Variants in PRUNE2 observed in about 807,000 individuals in gnomAD.
PRUNE2 encodes the protein protein prune homolog 2.
PRUNE2 carries 164 observed loss-of-function variants against 252.0 expected under a neutral mutation model. The observed-to-expected ratio is 0.65, with a 90% confidence interval of 0.57 to 0.74. The LOEUF (loss-of-function observed/expected upper bound fraction) is 0.74, where lower values mean the gene tolerates loss of function less well. PRUNE2 is among the 30% of genes least tolerant of loss of function. The probability of loss-of-function intolerance (pLI) is 0.00; values close to 1 mark genes in which losing one functional copy is unlikely to be tolerated. For missense variants in PRUNE2, 3,495 were observed against 3,711.0 expected (o/e 0.94, Z 1.51); for synonymous variants, 1,292 against 1,350.2 (o/e 0.96, Z 0.94).
intron 6 of PRUNE2, among the ~76,000 whole-genome samples, chr9:76,806,832 A>G (rs72732653): frequency 0.21 from 32,080 of 151,718 alleles, 3,886 homozygotes; most frequent in Middle Eastern, 0.35. Context: ...GCACCACTCT[A>G]AGCTTTTTGC....
intron 18 of PRUNE2, among the ~76,000 whole-genome samples, chr9:76,616,048 A>G (rs962601109): frequency 4.7e-5 from 5 of 106,648 alleles, no homozygotes; most frequent in Non-Finnish European, 7.4e-5. Flanking sequence ...GATTACAGGC[A>G]TGAGCCAGCA....
chr9:76,775,589 C>A (rs2053648964), intron 6 of PRUNE2, among the ~76,000 whole-genome samples: 1 of 152,200 alleles, frequency 6.6e-6, no homozygotes, highest in African/African-American at 2.4e-5. Context: ...GTGTGAGCTA[C>A]TCTGCCCAGC....
rs750595554 is a variant in PRUNE2, at chr9:76,708,700, A to C, written c.3574T>G (p.Ser1192Ala). The change falls in exon 8 of 19, where the codon TCT becomes GCT. Residue 1192 changes from serine (S) to alanine (A), a missense_variant. Transcript: ENST00000376718. ...GCACTGTCCTTGGTATGCTCATCAG[A>C]GGCAGGGAGCTCCCAATCTACCTGA... ...ANQVDWELPA[S>A]DEHTKDSAPS... 3.1e-6 allele frequency: 5 copies of C among 1,613,982 alleles called. No homozygotes were observed. The Admixed American group carries it at 8.3e-5, about 27-fold the overall frequency.
At chr9:76,713,835 G>T in intron 6 of PRUNE2, 114 bp from the exon 7 acceptor site, 2 of 664,076 alleles carry the variant, frequency 3.0e-6, no homozygotes, top group South Asian at 2.7e-5. Flanking sequence ...TATTATTTAA[G>T]GCAAGTGAAA....
intron 6 of PRUNE2, among the ~76,000 whole-genome samples, chr9:76,762,222 C>T (rs1219517609): frequency 6.6e-6 from 1 of 152,168 alleles, no homozygotes; most frequent in Non-Finnish European, 1.5e-5. Context: ...CTACAACAAC[C>T]ATTAAATGTG....
At chr9:76,688,182 G>A (rs185590348) in intron 9 of PRUNE2, among the ~76,000 whole-genome samples, 24 of 152,238 alleles carry the variant, frequency 1.6e-4, no homozygotes, top group Admixed American at 3.9e-4. Flanking sequence ...AGAGGAAAAC[G>A]TCACCATCCT....
intron 9 of PRUNE2, among the ~76,000 whole-genome samples, chr9:76,674,383 C>T (rs1427092051): frequency 3.9e-5 from 6 of 152,182 alleles, no homozygotes; most frequent in Non-Finnish European, 7.3e-5. Flanking sequence ...GAACTACACT[C>T]ACTTGAGCAC....
chr9:76,839,000 T>TG (rs1483145842), intron 4 of PRUNE2, among the ~76,000 whole-genome samples: 12 of 152,204 alleles, frequency 7.9e-5, no homozygotes, highest in Non-Finnish European at 1.5e-4. Context: ...TATAACCAAA[T>TG]GGTGAAAATA....
At chr9:76,652,976 T>C (rs982931115) in intron 10 of PRUNE2, among the ~76,000 whole-genome samples, 1 of 152,130 alleles carries the variant, frequency 6.6e-6, no homozygotes, top group Non-Finnish European at 1.5e-5. Flanking sequence ...AAGAGTGGGT[T>C]TGGGCCCAGT....
chr9:76,645,002 C>T lies in PRUNE2; in HGVS notation c.8558-93G>A, dbSNP rs568707637. On this transcript the variant is annotated intron_variant, in intron 11 of 18. Coordinates refer to ENST00000376718, the MANE Select transcript of PRUNE2 (RefSeq NM_015225.3). The stretch of plus-strand genomic sequence containing the variant: ...ATGGTAAGCTTTACAATACAGTACT[C>T]CTACGGGCAGCCTTTGTTTTGTTTC... The T allele has an allele frequency of 6.3e-5, 71 of 1,126,106 alleles. No individual in the cohort carries two copies. The African/African-American group carries it at 1.1e-3, about 17-fold the overall frequency. The allele number at this position is 1,126,106 out of a possible 1,614,324, so 69.8% of individuals were successfully genotyped here. A position where few individuals can be genotyped will look rare whatever the true frequency, so the allele number is the denominator to read the frequency against.
chr9:76,740,828 A>G (rs2049550038), intron 6 of PRUNE2, among the ~76,000 whole-genome samples: 1 of 152,348 alleles, frequency 6.6e-6, no homozygotes. Flanking sequence ...ATATGTTTCT[A>G]AAAGTTAGAA....
chr9:76,661,804 A>C (rs1397305071), intron 9 of PRUNE2, among the ~76,000 whole-genome samples: 4 of 152,314 alleles, frequency 2.6e-5, no homozygotes, highest in Admixed American at 2.6e-4. Flanking sequence ...ATATATAAGA[A>C]TATGGCAGAT....
chr9:76,817,597 C>T (rs1400398619), intron 6 of PRUNE2: 8 of 152,356 alleles, frequency 5.3e-5, no homozygotes, highest in African/African-American at 1.9e-4. Flanking sequence ...CTGGAGATGT[C>T]CTCCTGAGCA....
At chr9:76,693,522 C>T (rs942633240) in intron 9 of PRUNE2, among the ~76,000 whole-genome samples, 8 of 148,098 alleles carry the variant, frequency 5.4e-5, no homozygotes, top group Non-Finnish European at 1.2e-4. Context: ...CAGCTCACTG[C>T]AACCTCTGCC....
intron 6 of PRUNE2, among the ~76,000 whole-genome samples, chr9:76,740,684 T>C (rs2049537270): frequency 2.6e-5 from 4 of 152,138 alleles, no homozygotes; most frequent in Admixed American, 6.5e-5. Context: ...ATAAGAACCC[T>C]TTATATTTAA....
At chr9:76,745,695 G>A (rs187820601) in intron 6 of PRUNE2, among the ~76,000 whole-genome samples, 128 of 152,246 alleles carry the variant, frequency 8.4e-4, no homozygotes, top group African/African-American at 2.8e-3. Context: ...CTGATCTCCC[G>A]TTTAGCCAGC....
intron 1 of PRUNE2, among the ~76,000 whole-genome samples, chr9:76,858,581 G>C (rs1351856279): frequency 2.0e-5 from 3 of 151,946 alleles, no homozygotes; most frequent in Non-Finnish European, 4.4e-5. Flanking sequence ...ACACAGGGAG[G>C]GCAACATCAC....
intron 6 of PRUNE2, among the ~76,000 whole-genome samples, chr9:76,766,995 C>A (rs116546485): frequency 1.3e-5 from 2 of 152,162 alleles, no homozygotes; most frequent in Non-Finnish European, 2.9e-5. Context: ...CCCCCCAAGG[C>A]GAAGGTAGGC....
intron 6 of PRUNE2, among the ~76,000 whole-genome samples, chr9:76,750,963 T>C (rs546783981): frequency 2.3e-4 from 35 of 152,300 alleles, no homozygotes; most frequent in African/African-American, 7.9e-4. Context: ...TGTTATTTAT[T>C]GAACCAGACT....
Sources: allele counts gnomAD v4.1 joint callset (sites outside exome capture counted in the v4.1 genomes callset), GRCh38; gene constraint gnomAD v4.1.1; transcripts MANE v1.5; gene names NCBI Gene and HGNC (gene_info 2026-07-23, HGNC 2026-07-21).